Variants in RMND1 observed in about 807,000 individuals in gnomAD.
The protein encoded by RMND1 is required for meiotic nuclear division 1 homolog.
In RMND1, 41 loss-of-function variants were observed where a neutral mutation model predicts 54.0. That is an observed-to-expected ratio of 0.76 (90% CI 0.59 to 0.98). The LOEUF is 0.98. Ranked by LOEUF, RMND1 falls within the 50% of genes least tolerant of loss-of-function variation. The pLI is 0.00. For missense variants in RMND1, 457 were observed against 532.0 expected, an observed-to-expected ratio of 0.86 and a Z score of 1.39; for synonymous variants, 183 against 181.7, an observed-to-expected ratio of 1.01 and a Z score of -0.06.
chr6:151,405,450 A>G (rs998424842), intron 11 of RMND1, among the ~76,000 whole-genome samples, 183 bp from the exon 12 acceptor site: 3 of 152,220 alleles, frequency 2.0e-5, no homozygotes, highest in African/African-American at 7.2e-5. Context: ...TGTACATTAT[A>G]AATTTACAGC....
intron 1 of RMND1, among the ~76,000 whole-genome samples, chr6:151,451,690 C>T (rs572964162): frequency 6.6e-6 from 1 of 152,308 alleles, no homozygotes; most frequent in East Asian, 1.9e-4. Context: ...AGAACAATTA[C>T]ACCAATTAAG....
At chr6:151,446,487 T>C (rs1582971562) in intron 1 of RMND1, among the ~76,000 whole-genome samples, 1 of 150,908 alleles carries the variant, frequency 6.6e-6, no homozygotes, top group Non-Finnish European at 1.5e-5. Context: ...AAGGCGAAGG[T>C]GCTTTTCAGC....
chr6:151,439,065 A>T (rs1780695770), intron 2 of RMND1, among the ~76,000 whole-genome samples: 1 of 152,140 alleles, frequency 6.6e-6, no homozygotes, highest in Non-Finnish European at 1.5e-5. Context: ...AGTGAGCCAA[A>T]ATTGCACCAC....
chr6:151,435,859 C>G (rs896136099), intron 3 of RMND1, among the ~76,000 whole-genome samples: 1 of 150,374 alleles, frequency 6.7e-6, no homozygotes, highest in East Asian at 2.0e-4. Flanking sequence ...AATCCCAGCA[C>G]TTTGGGAGGC....
chr6:151,435,039 G>A (rs1008072836), intron 3 of RMND1, among the ~76,000 whole-genome samples: 8 of 152,032 alleles, frequency 5.3e-5, no homozygotes, highest in African/African-American at 1.9e-4. Context: ...AGTAAAGGTG[G>A]GGTTTCACCA....
At chr6:151,444,198 A>G (rs116433257) in intron 2 of RMND1, among the ~76,000 whole-genome samples, 86 of 152,354 alleles carry the variant, frequency 5.6e-4, no homozygotes, top group African/African-American at 1.9e-3. Flanking sequence ...GAACAAAGTG[A>G]GTTGAGCTTT....
At chr6:151,443,525 G>T (rs1475740761) in intron 2 of RMND1, among the ~76,000 whole-genome samples, 2 of 152,094 alleles carry the variant, frequency 1.3e-5, no homozygotes, top group African/African-American at 2.4e-5. Context: ...TGGCTAGGCT[G>T]GTCTCGAACT....
At chr6:151,424,132 C>A (rs1488846165) in intron 6 of RMND1, among the ~76,000 whole-genome samples, 2 of 151,986 alleles carry the variant, frequency 1.3e-5, no homozygotes, top group African/African-American at 4.8e-5. Flanking sequence ...ACTACAGGTG[C>A]GAGCCACCTT....
chr6:151,405,962 AT>A, intron 10 of RMND1, 126 bp from the exon 11 acceptor site: 1 of 505,200 alleles, frequency 2.0e-6, no homozygotes, highest in Non-Finnish European at 3.5e-6. Flanking sequence ...AGCCACCAAC[AT>A]TATCAGTTTC....
intron 3 of RMND1, among the ~76,000 whole-genome samples, chr6:151,435,797 G>A (rs867807371): frequency 6.6e-6 from 1 of 150,736 alleles, no homozygotes; most frequent in Non-Finnish European, 1.5e-5. Context: ...TCAACTTCAT[G>A]GTTCTTCTAT....
At chr6:151,449,151 A>G (rs1344514801) in intron 1 of RMND1, among the ~76,000 whole-genome samples, 2 of 149,192 alleles carry the variant, frequency 1.3e-5, no homozygotes, top group Non-Finnish European at 3.0e-5. Flanking sequence ...GGTGATTCAC[A>G]AGGTCAGATG....
chr6:151,406,242 T>C (rs955416473), intron 10 of RMND1, among the ~76,000 whole-genome samples: 4 of 152,230 alleles, frequency 2.6e-5, no homozygotes, highest in African/African-American at 7.2e-5. Flanking sequence ...CTAGATGGCA[T>C]TGCTTTCAAC....
intron 10 of RMND1, among the ~76,000 whole-genome samples, chr6:151,409,534 A>G (rs1447887802): frequency 6.6e-6 from 1 of 152,232 alleles, no homozygotes; most frequent in Non-Finnish European, 1.5e-5. Flanking sequence ...GACTAATTCT[A>G]CAAATATTTC....
At chr6:151,407,042 A>G (rs1447244166) in intron 10 of RMND1, among the ~76,000 whole-genome samples, 1 of 152,024 alleles carries the variant, frequency 6.6e-6, no homozygotes, top group Non-Finnish European at 1.5e-5. Flanking sequence ...AGTTCTAGCT[A>G]CTTGGCAGGG....
chr6:151,405,132 A>C lies in RMND1; in HGVS notation c.*103T>G. On this transcript the variant is annotated 3_prime_UTR_variant, in exon 12 of 12. Transcript: ENST00000444024. ...CAAGCCACCCTTCTTGGCCTCCGAAAGTGCTGGGATTACAGGCATGAGGCA... is the reference window on the plus strand; with the variant it reads ...CAAGCCACCCTTCTTGGCCTCCGAACGTGCTGGGATTACAGGCATGAGGCA... 1 of 1,004,862 alleles carries C rather than the reference A, an allele frequency of 1.0e-6. No homozygotes were observed. The highest frequency in any genetic ancestry group is 1.5e-6 in the Non-Finnish European group (1 of 646,558). 62.2% of individuals were successfully genotyped at this position (1,004,862 alleles called of 1,614,324 possible).
rs117607446 is a variant in RMND1, at chr6:151,425,636, T to C, written c.830+1846A>G. On this transcript the variant is annotated intron_variant, in intron 6 of 11. Coordinates refer to ENST00000444024, the MANE Select transcript of RMND1 (RefSeq NM_017909.4). ...TAAAGATAATAAAACTACAGGCTGC[T>C]CATTTGCTGTCTCTCTCAGGTTTAT... 2.8e-3 allele frequency among the ~76,000 whole-genome samples: 424 copies of C among 152,296 alleles called. 1 individual carries two copies. Among genetic ancestry groups the C allele is most frequent in the Non-Finnish European group, 4.8e-3 (328 of 68,028 alleles).
chr6:151,429,803 T>C (rs112938544), intron 5 of RMND1, among the ~76,000 whole-genome samples: 2,358 of 152,312 alleles, frequency 0.015, 52 homozygotes, highest in African/African-American at 0.051. Context: ...ACAACTTGAC[T>C]TAAAAGAACA....
At position 151,405,364 on chromosome 6, in the gene RMND1, A is replaced by C. The variant is rs1414807168; in HGVS notation, c.1318-97T>G. 9.2e-6 allele frequency: 11 copies of C among 1,190,780 alleles called. No individual in the cohort carries two copies. The South Asian group carries it at 1.0e-4, about 11-fold the overall frequency. 73.8% of individuals were successfully genotyped at this position (1,190,780 alleles called of 1,614,324 possible). On this transcript the variant is annotated intron_variant, in intron 11 of 11. Coordinates refer to ENST00000444024, the MANE Select transcript of RMND1 (RefSeq NM_017909.4). ...TGTGATTAATGAGAAATGCTCCTGA[A>C]GTAAGGTAAATGTTTGCCCTTTCTC...
intron 9 of RMND1, among the ~76,000 whole-genome samples, chr6:151,420,005 G>A (rs1780112985): frequency 6.6e-6 from 1 of 152,036 alleles, no homozygotes; most frequent in Non-Finnish European, 1.5e-5. Context: ...TATCTGCCAT[G>A]TTTATTTTCA....
Sources: allele counts gnomAD v4.1 joint callset (sites outside exome capture counted in the v4.1 genomes callset), GRCh38; gene constraint gnomAD v4.1.1; transcripts MANE v1.5; gene names NCBI Gene and HGNC (gene_info 2026-07-23, HGNC 2026-07-21).